ROCK2: variants seen among roughly 807,000 people sequenced by gnomAD.
ROCK2 encodes rho-associated protein kinase 2.
In ROCK2, 61 loss-of-function variants were observed where a neutral mutation model predicts 195.1. That is an observed-to-expected ratio of 0.31 (90% CI 0.25 to 0.39). The LOEUF (loss-of-function observed/expected upper bound fraction) is 0.39, where lower values mean the gene tolerates loss of function less well. ROCK2 is among the 10% of genes least tolerant of loss of function. The pLI is 1.00. For missense variants in ROCK2, 1,109 were observed against 1,637.4 expected (o/e 0.68, Z 5.57); for synonymous variants, 504 against 545.5 (o/e 0.92, Z 1.06).
intron 32 of ROCK2, among the ~76,000 whole-genome samples, chr2:11,187,150 T>G (rs2148021794): frequency 6.6e-6 from 1 of 152,382 alleles, no homozygotes; most frequent in East Asian, 1.9e-4. Flanking sequence ...TAGTTTTAAT[T>G]TAATGCTAAT....
chr2:11,262,805 G>A (rs1316754270), intron 3 of ROCK2, among the ~76,000 whole-genome samples: 1 of 151,948 alleles, frequency 6.6e-6, no homozygotes, highest in East Asian at 1.9e-4. Context: ...TCCTAAAATG[G>A]ACCTCCTCAA....
intron 1 of ROCK2, among the ~76,000 whole-genome samples, chr2:11,291,009 T>C (rs570701387): frequency 2.4e-4 from 37 of 152,274 alleles, no homozygotes; most frequent in African/African-American, 8.4e-4. Context: ...TTAGGTTGTC[T>C]ATATGCAAAA....
chr2:11,204,016 T>C (rs1010994073), intron 20 of ROCK2, among the ~76,000 whole-genome samples: 1 of 152,176 alleles, frequency 6.6e-6, no homozygotes, highest in Non-Finnish European at 1.5e-5. Context: ...GAAAGAACCA[T>C]GTAATTACAT....
chr2:11,251,799 A>C (rs1466022412), intron 3 of ROCK2, among the ~76,000 whole-genome samples: 3 of 152,236 alleles, frequency 2.0e-5, no homozygotes, highest in Non-Finnish European at 4.4e-5. Context: ...TCTACAAGGA[A>C]CTTAAACAAA....
rs757436180 is a variant in ROCK2 at position 11,216,218 on chromosome 2, C to G, written c.1413-12G>C. The G allele has an allele frequency of 1.9e-6, 3 of 1,571,886 alleles. No individual in the cohort carries two copies. Among genetic ancestry groups the G allele is most frequent in the Non-Finnish European group, 2.6e-6 (3 of 1,142,924 alleles). On this transcript the variant is annotated splice_polypyrimidine_tract_variant and intron_variant, in intron 12 of 32. Coordinates refer to ENST00000315872, the MANE Select transcript of ROCK2 (RefSeq NM_004850.5). ...GAGTATTAACAGATCTAAAGAATTT[C>G]AGAAAGAAACAGTAAATAACTTCTA...
chr2:11,260,036 C>T (rs563238492), intron 3 of ROCK2, among the ~76,000 whole-genome samples: 9 of 151,618 alleles, frequency 5.9e-5, no homozygotes, highest in Non-Finnish European at 1.0e-4. Flanking sequence ...CTAGAAAACC[C>T]TCTTACAGCA....
chr2:11,299,381 T>G (rs1667637741), intron 1 of ROCK2, among the ~76,000 whole-genome samples: 1 of 152,114 alleles, frequency 6.6e-6, no homozygotes, highest in East Asian at 1.9e-4. Context: ...ACAATGAACT[T>G]TTTAAGGCAC....
intron 1 of ROCK2, among the ~76,000 whole-genome samples, chr2:11,317,011 T>TTGAGAC (rs1668213183): frequency 6.6e-6 from 1 of 152,154 alleles, no homozygotes; most frequent in Non-Finnish European, 1.5e-5. Context: ...GCTTAATAGT[T>TTGAGAC]TGAGACCTTC....
chr2:11,191,761 C>T (rs1182092057), intron 32 of ROCK2, among the ~76,000 whole-genome samples: 3 of 152,140 alleles, frequency 2.0e-5, no homozygotes, highest in Admixed American at 6.5e-5. Flanking sequence ...AAACCATTTT[C>T]TTCTCATCAA....
chr2:11,207,739 C>T lies in ROCK2; in HGVS notation c.2536G>A (p.Ala846Thr), dbSNP rs1664103255. ...EMKMNLEKQN[A>T]ELRKERQDAD... ...CAATTAACTTACTTTCGAAGTTCAG[C>T]ATTTTGTTTTTCCAAGTTCATTTTC... The change falls in exon 20 of 33, where the codon GCT becomes ACT. Residue 846 changes from alanine (A) to threonine (T), a missense_variant. Physicochemically the swap from Ala to Thr is moderately conservative, Grantham distance 58. Transcript: ENST00000315872. 5 of 1,603,316 alleles carry T rather than the reference C, an allele frequency of 3.1e-6. No individual in the cohort carries two copies. The highest frequency in any genetic ancestry group is 4.3e-6 in the Non-Finnish European group (5 of 1,174,622).
chr2:11,274,976 G>A (rs1223457894), intron 3 of ROCK2, among the ~76,000 whole-genome samples: 1 of 151,872 alleles, frequency 6.6e-6, no homozygotes, highest in Non-Finnish European at 1.5e-5. Context: ...ATAAGAACAG[G>A]CCGGGAGCAG....
At position 11,207,895 on chromosome 2, in the gene ROCK2, A is replaced by G; in HGVS notation, c.2380T>C (p.Leu794=). The G allele has an allele frequency of 1.3e-6, 2 of 1,580,782 alleles. No individual in the cohort carries two copies. Among genetic ancestry groups the G allele is most frequent in the Non-Finnish European group, 1.7e-6 (2 of 1,165,250 alleles). ...TTCTGAGTTTCTTGCTCTATTTTTA[A>G]TGTCAGGTTTCTAACCTAAGAAATA... ...VLNEDVRNLT[L]KIEQETQKRC... The change falls in exon 20 of 33, where the codon TTA becomes CTA. Residue 794 remains leucine, a synonymous_variant. Coordinates refer to ENST00000315872, the MANE Select transcript of ROCK2 (RefSeq NM_004850.5).
chr2:11,326,315 C>T (rs114475860), intron 1 of ROCK2, among the ~76,000 whole-genome samples: 7 of 152,098 alleles, frequency 4.6e-5, no homozygotes, highest in South Asian at 2.1e-4. Context: ...TGAGGCTTTG[C>T]GTACTGTCAT....
chr2:11,289,794 T>C (rs544083646), intron 1 of ROCK2, among the ~76,000 whole-genome samples: 2 of 152,340 alleles, frequency 1.3e-5, no homozygotes, highest in East Asian at 3.9e-4. Context: ...ATGTGAAGAT[T>C]AACTAATCTG....
At chr2:11,268,459 A>G (rs1666497261) in intron 3 of ROCK2, among the ~76,000 whole-genome samples, 1 of 135,622 alleles carries the variant, frequency 7.4e-6, no homozygotes, top group Admixed American at 8.1e-5. Context: ...CGGATGTAAC[A>G]GTTTTACTGT....
At chr2:11,238,918 G>GT (rs1379587627) in intron 4 of ROCK2, among the ~76,000 whole-genome samples, 3 of 151,758 alleles carry the variant, frequency 2.0e-5, no homozygotes, top group African/African-American at 7.3e-5. Context: ...ATAAATCCTT[G>GT]TATTTATGAT....
chr2:11,313,563 TA>T (rs1271665925), intron 1 of ROCK2, among the ~76,000 whole-genome samples: 3 of 152,038 alleles, frequency 2.0e-5, no homozygotes, highest in Non-Finnish European at 4.4e-5. Flanking sequence ...TGAATTTGTA[TA>T]ACCTCTTTAT....
chr2:11,317,612 A>ATATATATATATTTTTTTTTTT (rs59701503), intron 1 of ROCK2, among the ~76,000 whole-genome samples: 1 of 19,312 alleles, frequency 5.2e-5, no homozygotes, highest in African/African-American at 1.6e-4. Context: ...ATATATATAT[A>ATATATATATATTTTTTTTTTT]TTTTTTTTTT....
In ROCK2 at chr2:11,198,474, G is replaced by A. The variant is rs373065682; in HGVS notation, c.3099+17C>T. 2.2e-4 allele frequency: 326 copies of A among 1,511,358 alleles called. No homozygotes were observed. Among genetic ancestry groups the A allele is most frequent in the Non-Finnish European group, 2.7e-4 (291 of 1,094,368 alleles). 93.6% of individuals were successfully genotyped at this position (1,511,358 alleles called of 1,614,324 possible). On this transcript the variant is annotated intron_variant, in intron 25 of 32. Transcript: ENST00000315872. ...GAGACAAAATTCAAAATCATATTTAGATTCTATTATACATACTTGAGTTTT... is the reference window on the plus strand; with the variant it reads ...GAGACAAAATTCAAAATCATATTTAAATTCTATTATACATACTTGAGTTTT...
Sources: allele counts gnomAD v4.1 joint callset (sites outside exome capture counted in the v4.1 genomes callset), GRCh38; gene constraint gnomAD v4.1.1; transcripts MANE v1.5; gene names NCBI Gene and HGNC (gene_info 2026-07-23, HGNC 2026-07-21).